ANXA8: variants seen among roughly 807,000 people sequenced by gnomAD.
ANXA8 encodes annexin A8.
A neutral mutation model predicts 26.8 loss-of-function variants in ANXA8; 9 were observed. The ratio of observed to expected loss-of-function variants is 0.34; its 90% CI spans 0.20 to 0.59. The LOEUF (loss-of-function observed/expected upper bound fraction) is 0.59, where lower values mean the gene tolerates loss of function less well. ANXA8 is among the 20% of genes least tolerant of loss of function. ANXA8 has a pLI of 0.84. For synonymous variants in ANXA8, 39 were observed against 94.8 expected, an observed-to-expected ratio of 0.41 and a Z score of 3.42; for missense variants, 83 against 238.5, an observed-to-expected ratio of 0.35 and a Z score of 4.29.
At chr10:47,986,452 T>C in the ANXA8 span, 1 of 267,550 alleles carries the variant, frequency 3.7e-6, no homozygotes, top group African/African-American at 2.3e-5. Context: ...TATTGACTTG[T>C]TTCTTACTGA....
At chr10:47,933,643 A>G in the ANXA8 span, among the ~76,000 whole-genome samples, 1 of 36,248 alleles carries the variant, frequency 2.8e-5, no homozygotes, top group East Asian at 3.0e-4. Context: ...CAGCCTGGGC[A>G]GCCAAACAGG....
chr10:47,684,426 G>A, the ANXA8 span, among the ~76,000 whole-genome samples: 6 of 146,850 alleles, frequency 4.1e-5, no homozygotes, highest in Non-Finnish European at 5.9e-5. Context: ...TTTTTTTTGG[G>A]GGGGGGGTGA....
chr10:47,519,066 G>A, the ANXA8 span, among the ~76,000 whole-genome samples: 1 of 136,062 alleles, frequency 7.3e-6, no homozygotes, highest in African/African-American at 2.9e-5. Flanking sequence ...CTTAATGTTG[G>A]AGACAGGGCC....
the ANXA8 span, among the ~76,000 whole-genome samples, chr10:47,617,398 C>G: frequency 1.4e-5 from 2 of 144,094 alleles, no homozygotes; most frequent in African/African-American, 5.3e-5. Flanking sequence ...GTTCCATTAC[C>G]GAACGACTTT....
the ANXA8 span, among the ~76,000 whole-genome samples, chr10:47,980,012 A>G: frequency 3.0e-4 from 45 of 151,338 alleles, no homozygotes; most frequent in African/African-American, 9.2e-4. Context: ...AAACACATAC[A>G]TGTATATTCA....
chr10:47,656,290 T>C, the ANXA8 span, among the ~76,000 whole-genome samples: 8 of 151,404 alleles, frequency 5.3e-5, no homozygotes, highest in African/African-American at 2.0e-4. Flanking sequence ...CCCAGCTACT[T>C]GAGAGGCTGA....
At chr10:47,898,987 C>T in the ANXA8 span, among the ~76,000 whole-genome samples, 6 of 149,372 alleles carry the variant, frequency 4.0e-5, no homozygotes, top group Non-Finnish European at 9.0e-5. Context: ...GTGTGAACCA[C>T]AATGATCAGC....
chr10:47,493,606 G>T, the ANXA8 span, among the ~76,000 whole-genome samples: 1 of 150,624 alleles, frequency 6.6e-6, no homozygotes, highest in South Asian at 2.1e-4. Context: ...CTCTCCACCA[G>T]TCCCCGCTTT....
At chr10:47,492,268 C>T in the ANXA8 span, among the ~76,000 whole-genome samples, 12 of 148,742 alleles carry the variant, frequency 8.1e-5, no homozygotes, top group South Asian at 2.1e-4. Flanking sequence ...GTGCCTTGCC[C>T]GAGTCAGAGG....
At chr10:47,557,431 C>T in the ANXA8 span, among the ~76,000 whole-genome samples, 37 of 151,084 alleles carry the variant, frequency 2.4e-4, no homozygotes, top group African/African-American at 8.3e-4. Flanking sequence ...ATTAATAGTT[C>T]CTCCCTGCTT....
the ANXA8 span, among the ~76,000 whole-genome samples, chr10:47,702,343 C>CTTTTTTTTTTT: frequency 7.1e-6 from 1 of 140,138 alleles, no homozygotes; most frequent in Non-Finnish European, 1.6e-5. Flanking sequence ...CTTTTCTTTT[C>CTTTTTTTTTTT]TTTTTTTTTT....
the ANXA8 span, among the ~76,000 whole-genome samples, chr10:47,979,500 A>T: frequency 1.3e-5 from 2 of 151,638 alleles, no homozygotes; most frequent in Non-Finnish European, 2.9e-5. Context: ...TGCAGATATG[A>T]TTAAGGGTAT....
chr10:47,749,978 G>T, the ANXA8 span, among the ~76,000 whole-genome samples: 1 of 151,984 alleles, frequency 6.6e-6, no homozygotes, highest in East Asian at 1.9e-4. Context: ...ACATAATAAA[G>T]GTTCACTCTA....
At chr10:47,581,684 G>A in the ANXA8 span, 5 of 314,026 alleles carry the variant, frequency 1.6e-5, no homozygotes, top group East Asian at 2.6e-4. Flanking sequence ...TCAGCTCACT[G>A]CAAGCTCTGC....
chr10:47,481,965 G>C (rs1183576643), intron 1 of ANXA8, among the ~76,000 whole-genome samples: 1 of 143,462 alleles, frequency 7.0e-6, no homozygotes, highest in South Asian at 2.3e-4. Context: ...GAGCTGCCAC[G>C]CCTTGGCCTT....
the ANXA8 span, among the ~76,000 whole-genome samples, chr10:47,540,473 G>A: frequency 1.1e-4 from 14 of 125,230 alleles, no homozygotes; most frequent in African/African-American, 4.0e-4. Context: ...TGCTCAAAAG[G>A]GAAGTTAGGG....
chr10:47,472,396 GGCCCAA>G (rs1839345055), intron 9 of ANXA8, among the ~76,000 whole-genome samples: 1 of 110,436 alleles, frequency 9.1e-6, no homozygotes, highest in Admixed American at 9.2e-5. Flanking sequence ...CAGCTCCAAA[GGCCCAA>G]GCAGGCAGGC....
the ANXA8 span, among the ~76,000 whole-genome samples, chr10:47,580,299 C>A: frequency 6.6e-6 from 1 of 152,300 alleles, no homozygotes; most frequent in African/African-American, 2.4e-5. Flanking sequence ...CACACTAAAC[C>A]AACTAGACCT....
At chr10:47,543,733 A>T in the ANXA8 span, 1 of 396,932 alleles carries the variant, frequency 2.5e-6, no homozygotes, top group Non-Finnish European at 4.5e-6. Flanking sequence ...TCATGTGTCA[A>T]TGACTCATCA....
Sources: allele counts gnomAD v4.1 joint callset (sites outside exome capture counted in the v4.1 genomes callset), GRCh38; gene constraint gnomAD v4.1.1; transcripts MANE v1.5; gene names NCBI Gene and HGNC (gene_info 2026-07-23, HGNC 2026-07-21).